Variants in TMEM91 observed in about 807,000 individuals in gnomAD.
The protein encoded by TMEM91 is transmembrane protein 91.
In TMEM91, 6 loss-of-function variants were observed where a neutral mutation model predicts 13.3. That is an observed-to-expected ratio of 0.45 (90% CI 0.25 to 0.89). The LOEUF (loss-of-function observed/expected upper bound fraction) is 0.89, where lower values mean the gene tolerates loss of function less well. Ranked by LOEUF, TMEM91 falls within the 40% of genes least tolerant of loss-of-function variation. The pLI is 0.19. For synonymous variants in TMEM91, 87 were observed against 101.7 expected (o/e 0.86, Z 0.87); for missense variants, 193 against 228.7 (o/e 0.84, Z 1.01).
chr19:41,365,962 C>T (rs1274892866), intron 1 of TMEM91, among the ~76,000 whole-genome samples: 1 of 151,812 alleles, frequency 6.6e-6, no homozygotes, highest in Admixed American at 6.6e-5. Flanking sequence ...CCTTCTGCCT[C>T]AGCCTCCCAA....
chr19:41,367,756 A>G (rs2038551475), intron 1 of TMEM91, among the ~76,000 whole-genome samples: 3 of 152,158 alleles, frequency 2.0e-5, no homozygotes, highest in Admixed American at 2.0e-4. Context: ...AAGCCTCCCC[A>G]GTAGCTGGGA....
At chr19:41,368,428 G>A (rs369896259) in intron 1 of TMEM91, among the ~76,000 whole-genome samples, 48 of 146,398 alleles carry the variant, frequency 3.3e-4, no homozygotes, top group African/African-American at 1.1e-3. Context: ...TTTTTTTTGG[G>A]GGGGGTGGTT....
upstream of TMEM91, among the ~76,000 whole-genome samples, chr19:41,373,116 T>TTCCTA (rs2038650625): frequency 6.6e-6 from 1 of 152,136 alleles, no homozygotes; most frequent in African/African-American, 2.4e-5. Flanking sequence ...TTTTGTTTAT[T>TTCCTA]TTTTGTAGAG....
chr19:41,371,362 CTTCCTTCTTTCCTTCCTTCCTTCT>C (rs1172340710), intron 1 of TMEM91, among the ~76,000 whole-genome samples: 72 of 141,384 alleles, frequency 5.1e-4, no homozygotes, highest in African/African-American at 1.7e-3. Context: ...TCCTTCCTTC[CTTCCTTCTTTCCTTCCTTCCTTCT>C]TTCCTTCCTC....
At position 41,367,173 on chromosome 19, in the gene TMEM91, TATG is replaced by T. The variant is rs202214583; in HGVS notation, c.-30+3081_-30+3083del. Among the ~76,000 whole-genome samples, 42 of 152,170 alleles carry T rather than the reference TATG, an allele frequency of 2.8e-4. No individual in the cohort carries two copies. In the East Asian group the frequency reaches 7.0e-3, roughly 25 times the overall value. Reference sequence around the variant, plus strand: ...AGAAAAAAAAGAAAAGAAAGGAAAATATGATTAACTATAGAGTTTATTCCAGGC... The same window carrying T: ...AGAAAAAAAAGAAAAGAAAGGAAAATATTAACTATAGAGTTTATTCCAGGC... On this transcript the variant is annotated intron_variant, in intron 1 of 3. Transcript: ENST00000413014.
Position 41,383,964 on chromosome 19 carries a change from G to A in TMEM91, c.*91G>A, listed in dbSNP as rs569638986. 20 of 1,523,804 alleles carry A rather than the reference G, an allele frequency of 1.3e-5. No individual in the cohort carries two copies. The Admixed American group carries it at 1.9e-4, about 15-fold the overall frequency. The allele number at this position is 1,523,804 out of a possible 1,614,324, so 94.4% of individuals were successfully genotyped here. A position where few individuals can be genotyped will look rare whatever the true frequency, so the allele number is the denominator to read the frequency against. On this transcript the variant is annotated 3_prime_UTR_variant, in exon 4 of 4. Coordinates refer to ENST00000392002, the MANE Select transcript of TMEM91 (RefSeq NM_001098821.2). ...GGAGAATCTTGGTGGATGAGGCTGCGGCGGCGGCAGGAGCATCTAGAAACG... is the reference window on the plus strand; with the variant it reads ...GGAGAATCTTGGTGGATGAGGCTGCAGCGGCGGCAGGAGCATCTAGAAACG...
chr19:41,383,214 T>A, intron 3 of TMEM91: 1 of 436,792 alleles, frequency 2.3e-6, no homozygotes, highest in Non-Finnish European at 4.0e-6. Flanking sequence ...CTACCATGCC[T>A]GGCTAATTTT....
At chr19:41,370,314 T>C (rs1242510658) in intron 1 of TMEM91, among the ~76,000 whole-genome samples, 3 of 151,926 alleles carry the variant, frequency 2.0e-5, no homozygotes, top group African/African-American at 7.3e-5. Context: ...TGACCTCAGG[T>C]GATCTGCCTG....
At chr19:41,365,147 A>G (rs2038495421) in intron 1 of TMEM91, among the ~76,000 whole-genome samples, 3 of 151,968 alleles carry the variant, frequency 2.0e-5, no homozygotes. Flanking sequence ...CTCCCTCCCA[A>G]ACTGCCGGGA....
chr19:41,376,322 C>T (rs954301439), upstream of TMEM91: 2 of 152,220 alleles, frequency 1.3e-5, no homozygotes, highest in African/African-American at 4.8e-5. Flanking sequence ...TTGCCAGTTT[C>T]CTCCCGCGTG....
At chr19:41,377,988 G>T (rs534747789) in intron 1 of TMEM91, among the ~76,000 whole-genome samples, 1 of 145,682 alleles carries the variant, frequency 6.9e-6, no homozygotes, top group Admixed American at 7.0e-5. Flanking sequence ...CACTCTAGCG[G>T]ATCTGCAGTG....
Position 41,383,870 on chromosome 19 carries a change from C to T in TMEM91, c.516C>T (p.Pro172=), listed in dbSNP as rs1326221691. The change falls in exon 4 of 4, where the codon CCC becomes CCT. Residue 172 remains proline (P), a synonymous_variant. Transcript: ENST00000392002. ...CCTACCTTGCCTCCCGAGACCCGCCCTAGTTGCCCCTACAGCCCTCACTGT... is the reference window on the plus strand; with the variant it reads ...CCTACCTTGCCTCCCGAGACCCGCCTTAGTTGCCCCTACAGCCCTCACTGT... ...LAAYLASRDP[P] is the part of the protein sequence containing the mutation. The T allele has an allele frequency of 3.7e-6, 6 of 1,608,022 alleles. No individual in the cohort carries two copies. The highest frequency in any genetic ancestry group is 5.1e-6 in the Non-Finnish European group (6 of 1,177,240).
At chr19:41,365,943 T>A (rs1231677180) in intron 1 of TMEM91, among the ~76,000 whole-genome samples, 2 of 151,672 alleles carry the variant, frequency 1.3e-5, no homozygotes, top group Non-Finnish European at 2.9e-5. Flanking sequence ...ACTCCTGGCC[T>A]CATGTGATCC....
At chr19:41,372,457 G>C (rs2038639553), upstream of TMEM91, among the ~76,000 whole-genome samples, 1 of 152,010 alleles carries the variant, frequency 6.6e-6, no homozygotes, top group African/African-American at 2.4e-5. Context: ...ACAGGCATGG[G>C]ATTACAGTGC....
chr19:41,382,600 C>T (rs1209040717), intron 2 of TMEM91, among the ~76,000 whole-genome samples, 172 bp from the exon 3 acceptor site: 2 of 152,176 alleles, frequency 1.3e-5, no homozygotes, highest in South Asian at 2.1e-4. Context: ...GGTGACAGAG[C>T]AAAACTCCGT....
intron 2 of TMEM91, among the ~76,000 whole-genome samples, chr19:41,380,270 T>A (rs1274310710): frequency 6.6e-6 from 1 of 152,056 alleles, no homozygotes; most frequent in Non-Finnish European, 1.5e-5. Flanking sequence ...TTCAGGGCAG[T>A]CAGGCAGCTT....
At chr19:41,381,100 A>AAAAC in intron 2 of TMEM91, among the ~76,000 whole-genome samples, 1 of 149,558 alleles carries the variant, frequency 6.7e-6, no homozygotes, top group African/African-American at 2.5e-5. Flanking sequence ...AAAAAAAAAA[A>AAAAC]AGCTTAAAAA....
intron 1 of TMEM91, among the ~76,000 whole-genome samples, chr19:41,367,978 ATTC>A (rs2038555348): frequency 6.6e-6 from 1 of 152,106 alleles, no homozygotes. Context: ...CTGCTTGGTC[ATTC>A]TTAATCATTT....
At chr19:41,366,935 C>T (rs1450787947) in intron 1 of TMEM91, among the ~76,000 whole-genome samples, 1 of 151,300 alleles carries the variant, frequency 6.6e-6, no homozygotes, top group Non-Finnish European at 1.5e-5. Flanking sequence ...GTCAGGAGTT[C>T]GAGACCAGCC....
Sources: allele counts gnomAD v4.1 joint callset (sites outside exome capture counted in the v4.1 genomes callset), GRCh38; gene constraint gnomAD v4.1.1; transcripts MANE v1.5; gene names NCBI Gene and HGNC (gene_info 2026-07-23, HGNC 2026-07-21).